Variants in PXK observed in about 807,000 individuals in gnomAD.
The protein encoded by PXK is PX domain containing serine/threonine kinase like, also known as PX domain-containing protein kinase-like protein.
A neutral mutation model predicts 84.7 loss-of-function variants in PXK; 35 were observed. The ratio of observed to expected loss-of-function variants is 0.41; its 90% CI spans 0.32 to 0.55. The LOEUF is 0.55. Ranked by LOEUF, PXK falls within the 20% of genes least tolerant of loss-of-function variation. The pLI is 0.21. For missense variants in PXK, 634 were observed against 699.7 expected (o/e 0.91, Z 1.06); for synonymous variants, 253 against 260.8 (o/e 0.97, Z 0.29).
chr3:58,336,060 TATATATATATA>T (rs1466731476), intron 1 of PXK, among the ~76,000 whole-genome samples: 9 of 57,046 alleles, frequency 1.6e-4, no homozygotes, highest in African/African-American at 1.1e-3. Flanking sequence ...TATATATATA[TATATATATATA>T]TTTTTTTTTT....
rs2098118774 is a variant in PXK, at chr3:58,357,911, C to T, written c.103-7963C>T. On this transcript the variant is annotated intron_variant, in intron 1 of 17. Transcript: ENST00000356151. ...GTTGCAGTGAAGTGAGATCATGCCA[C>T]TGCATGCCACTGCATGTCACTCCAG... Among the ~76,000 whole-genome samples, 3 of 151,720 alleles carry T rather than the reference C, an allele frequency of 2.0e-5. No individual in the cohort carries two copies. In the South Asian group the frequency reaches 6.2e-4, roughly 32 times the overall value.
At chr3:58,368,468 G>A (rs1178901242) in intron 2 of PXK, among the ~76,000 whole-genome samples, 1 of 152,042 alleles carries the variant, frequency 6.6e-6, no homozygotes, top group Non-Finnish European at 1.5e-5. Flanking sequence ...GGCTACAGGT[G>A]CTCGCCACCA....
intron 4 of PXK, among the ~76,000 whole-genome samples, chr3:58,387,188 A>G (rs574957218): frequency 7.9e-4 from 121 of 152,238 alleles, no homozygotes; most frequent in Middle Eastern, 3.4e-3. Context: ...TGTGCTCTCC[A>G]TTTCCTGTCT....
At chr3:58,335,459 C>T (rs1008916566) in intron 1 of PXK, among the ~76,000 whole-genome samples, 2 of 152,086 alleles carry the variant, frequency 1.3e-5, no homozygotes, top group Non-Finnish European at 2.9e-5. Flanking sequence ...ATGAGTAAGT[C>T]TTTTTTAAAA....
intron 1 of PXK, among the ~76,000 whole-genome samples, chr3:58,357,305 T>C (rs913605369): frequency 1.9e-4 from 29 of 150,888 alleles, no homozygotes; most frequent in African/African-American, 7.1e-4. Flanking sequence ...AACTAAGACA[T>C]AAACACACAC....
intron 13 of PXK, 127 bp downstream of exon 13, chr3:58,404,037 T>G: frequency 6.1e-6 from 3 of 489,002 alleles, no homozygotes; most frequent in Non-Finnish European, 1.0e-5. Flanking sequence ...CTAAATGTCC[T>G]ACAATTAGGG....
intron 7 of PXK, among the ~76,000 whole-genome samples, 158 bp from the exon 8 acceptor site, chr3:58,394,840 T>C (rs548666066): frequency 6.6e-6 from 1 of 152,326 alleles, no homozygotes; most frequent in Admixed American, 6.5e-5. Context: ...AGCTGGTAAC[T>C]GAATAACTTG....
intron 4 of PXK, among the ~76,000 whole-genome samples, chr3:58,384,573 T>A (rs995424217): frequency 2.6e-5 from 4 of 152,164 alleles, no homozygotes; most frequent in African/African-American, 9.7e-5. Context: ...GTAGCATCTT[T>A]TGTGGCTTTC....
chr3:58,413,196 G>A (rs149734239), intron 17 of PXK: 18 of 578,506 alleles, frequency 3.1e-5, no homozygotes, highest in Non-Finnish European at 4.0e-5. Flanking sequence ...AGCCACCCCC[G>A]GGCTCCAGCT....
intron 3 of PXK, among the ~76,000 whole-genome samples, chr3:58,371,928 A>G (rs1273803571): frequency 2.0e-5 from 3 of 152,234 alleles, no homozygotes; most frequent in East Asian, 3.8e-4. Context: ...CATAAAACAG[A>G]CCAAAAAGAC....
chr3:58,425,715 GA>G lies in PXK; in HGVS notation c.*756del, dbSNP rs1264168349. The G allele has an allele frequency of 1.3e-5, 2 of 152,224 alleles. No individual in the cohort carries two copies. The highest frequency in any genetic ancestry group is 4.8e-5 in the African/African-American group (2 of 41,464). The allele number at this position is 152,224 out of a possible 1,614,324, so 9.4% of individuals were successfully genotyped here. ...TCCTCAGCAATTAAGTTTGGGGTTT[GA>G]GGGGGGCAGGTCATTGTTACAACAG... is the stretch of plus-strand genomic sequence containing the variant. On this transcript the variant is annotated 3_prime_UTR_variant, in exon 18 of 18. Coordinates refer to ENST00000356151, the MANE Select transcript of PXK (RefSeq NM_017771.5).
rs114426500 is a variant in PXK at position 58,384,248 on chromosome 3, C to T, written c.388+1548C>T. On this transcript the variant is annotated intron_variant, in intron 4 of 17. Transcript: ENST00000356151. ...AGAATTCAGTCCTCATCCCAGACTT[C>T]CTGAATCAGGATCTGATTTTAACAA... Among the ~76,000 whole-genome samples the T allele has an allele frequency of 2.9e-3, 437 of 152,318 alleles. 1 individual carries two copies. Among genetic ancestry groups the T allele is most frequent in the African/African-American group, 0.01 (424 of 41,572 alleles).
rs865893644 is a variant in PXK, at chr3:58,375,638, T to C, written c.201+6160T>C. On this transcript the variant is annotated intron_variant, in intron 3 of 17. Coordinates refer to ENST00000356151, the MANE Select transcript of PXK (RefSeq NM_017771.5). ...TCTCTCCATGTCTACGTGGATTTTC[T>C]CTGGGTACTCCAGTTTCTTCCCACA... 4.6e-5 allele frequency among the ~76,000 whole-genome samples: 7 copies of C among 152,362 alleles called. No homozygotes were observed. The Middle Eastern group carries it at 0.01, about 222-fold the overall frequency.
Position 58,409,364 on chromosome 3 carries a change from A to G in PXK, c.1309-168A>G, listed in dbSNP as rs933941826. ...ATGAGAAAGGACCTCTTCCTTTGGC[A>G]TACTCCTCTACCTGGCATCCAGACC... is the stretch of plus-strand genomic sequence containing the variant. On this transcript the variant is annotated intron_variant, in intron 14 of 17. Transcript: ENST00000356151. The surrounding 1 kb of genome is among the most constrained non-coding windows in gnomAD (Gnocchi z 4.2). 6.6e-6 allele frequency among the ~76,000 whole-genome samples: 1 copy of G among 152,228 alleles called. No homozygotes were observed. The highest frequency in any genetic ancestry group is 2.4e-5 in the African/African-American group (1 of 41,454).
chr3:58,355,164 G>A (rs539051062), intron 1 of PXK, among the ~76,000 whole-genome samples: 124 of 151,246 alleles, frequency 8.2e-4, no homozygotes, highest in African/African-American at 2.6e-3. Context: ...CAGAAGACCC[G>A]CTAATGCCTG....
chr3:58,408,474 C>A (rs1244329815), intron 13 of PXK, among the ~76,000 whole-genome samples: 1 of 151,078 alleles, frequency 6.6e-6, no homozygotes. Flanking sequence ...CCAAAAGTGG[C>A]TGGGGTAGGA....
At chr3:58,423,720 C>CA (rs985316443) in intron 17 of PXK, among the ~76,000 whole-genome samples, 1 of 152,214 alleles carries the variant, frequency 6.6e-6, no homozygotes, top group African/African-American at 2.4e-5. Flanking sequence ...CAGCATCTGA[C>CA]AGAGTCTCAG....
At chr3:58,420,857 G>A in intron 17 of PXK, 1 of 1,218,314 alleles carries the variant, frequency 8.2e-7, no homozygotes, top group Non-Finnish European at 1.0e-6. Flanking sequence ...ATGGCATTTT[G>A]GTATATTTTA....
At position 58,425,726 on chromosome 3, in the gene PXK, G is replaced by A. The variant is rs1376449224; in HGVS notation, c.*766G>A. ...TAAGTTTGGGGTTTGAGGGGGGCAG[G>A]TCATTGTTACAACAGAAGTAAATTT... On this transcript the variant is annotated 3_prime_UTR_variant, in exon 18 of 18. Transcript: ENST00000356151. The A allele has an allele frequency of 6.6e-6, 1 of 152,198 alleles. No individual in the cohort carries two copies. Among genetic ancestry groups the A allele is most frequent in the Non-Finnish European group, 1.5e-5 (1 of 68,040 alleles). The allele number at this position is 152,198 out of a possible 1,614,324, so 9.4% of individuals were successfully genotyped here. A position where few individuals can be genotyped will look rare whatever the true frequency, so the allele number is the denominator to read the frequency against.
Sources: gnomAD v4.1 joint callset for allele counts (sites outside exome capture counted in the v4.1 genomes callset) on GRCh38, gnomAD v4.1.1 for gene constraint, Gnocchi (gnomAD v3.1) non-coding constraint, MANE v1.5 for transcripts, NCBI Gene and HGNC (gene_info 2026-07-23, HGNC 2026-07-21) for gene names.